Variants in MOCOS observed in about 807,000 individuals in gnomAD.
MOCOS encodes the protein human molybdenum cofactor sulfurase.
MOCOS carries 86 observed loss-of-function variants against 83.6 expected under a neutral mutation model. That is an observed-to-expected ratio of 1.03 (90% CI 0.86 to 1.23). The LOEUF is 1.23. Ranked by LOEUF, MOCOS falls within the 50% of genes most tolerant of loss-of-function variation. The pLI, the probability that MOCOS is intolerant of heterozygous loss-of-function variation, is 0.00. For missense variants in MOCOS, 1,120 were observed against 1,126.9 expected (o/e 0.99, Z 0.09); for synonymous variants, 445 against 434.7 (o/e 1.02, Z -0.29).
At chr18:36,235,651 A>G (rs2091555336) in intron 9 of MOCOS, among the ~76,000 whole-genome samples, 1 of 150,836 alleles carries the variant, frequency 6.6e-6, no homozygotes, top group Non-Finnish European at 1.5e-5. Flanking sequence ...ATACCCAGTA[A>G]TGGGATGGCT....
At chr18:36,266,710 C>G (rs746802072) in intron 13 of MOCOS, 39 bp from the exon 14 acceptor site, 1 of 1,573,476 alleles carries the variant, frequency 6.4e-7, no homozygotes. Context: ...GCTCTGGTCA[C>G]TTTTGTGGCA....
At chr18:36,237,229 T>C (rs1250905370) in intron 9 of MOCOS, among the ~76,000 whole-genome samples, 1 of 147,886 alleles carries the variant, frequency 6.8e-6, no homozygotes, top group African/African-American at 2.5e-5. Context: ...AAGGGAATGC[T>C]TCCAGTTTTT....
At chr18:36,243,351 CT>C (rs2091591168) in intron 9 of MOCOS, among the ~76,000 whole-genome samples, 1 of 152,104 alleles carries the variant, frequency 6.6e-6, no homozygotes, top group Admixed American at 6.6e-5. Context: ...AATGTTTTTT[CT>C]GCATCTATTG....
chr18:36,195,621 T>C (rs1052457067), intron 2 of MOCOS, among the ~76,000 whole-genome samples: 3 of 152,140 alleles, frequency 2.0e-5, no homozygotes, highest in Non-Finnish European at 4.4e-5. Flanking sequence ...GGTGCTGTAT[T>C]TGGTGGTGGT....
Position 36,266,634 on chromosome 18 carries a change from A to C in MOCOS, c.2410-115A>C, listed in dbSNP as rs2848586. On this transcript the variant is annotated intron_variant, in intron 13 of 14. Coordinates refer to ENST00000261326, the MANE Select transcript of MOCOS (RefSeq NM_017947.4). Reference sequence around the variant, plus strand: ...CCAGCAGAGACGGTGAACAGGTGCCACGTTCTGGCTCTCCATAGTTAGGGG... The same window carrying C: ...CCAGCAGAGACGGTGAACAGGTGCCCCGTTCTGGCTCTCCATAGTTAGGGG... 254,186 of 830,816 alleles carry C rather than the reference A, an allele frequency of 0.31. 40,295 individuals carry two copies. Among genetic ancestry groups the C allele is most frequent in the Non-Finnish European group, 0.32 (159,356 of 494,636 alleles). The allele number at this position is 830,816 out of a possible 1,614,324, so 51.5% of individuals were successfully genotyped here.
intron 8 of MOCOS, among the ~76,000 whole-genome samples, chr18:36,219,625 G>T (rs2091488376): frequency 6.6e-6 from 1 of 152,164 alleles, no homozygotes; most frequent in African/African-American, 2.4e-5. Context: ...GTTGCAATGG[G>T]CTGAGATTGC....
In MOCOS at chr18:36,213,590, C is replaced by T. The variant is rs771518037; in HGVS notation, c.1335+108C>T. 301 of 891,476 alleles carry T rather than the reference C, an allele frequency of 3.4e-4. 1 individual carries two copies. The highest frequency in any genetic ancestry group is 2.2e-3 in the Admixed American group (120 of 54,478). The allele number at this position is 891,476 out of a possible 1,614,324, so 55.2% of individuals were successfully genotyped here. On this transcript the variant is annotated intron_variant, in intron 7 of 14. Transcript: ENST00000261326. ...CTGCTGCTGCATACTCATTTCTCCA[C>T]GCCTACTCTGTGCATGTACAAAGGA...
chr18:36,223,982 C>T (rs952195817), intron 9 of MOCOS, among the ~76,000 whole-genome samples: 9 of 152,158 alleles, frequency 5.9e-5, no homozygotes, highest in African/African-American at 2.2e-4. Context: ...CAGGCATGTG[C>T]CACCATGCCT....
chr18:36,211,419 A>G (rs763226132), intron 6 of MOCOS, among the ~76,000 whole-genome samples: 2 of 152,148 alleles, frequency 1.3e-5, no homozygotes, highest in African/African-American at 2.4e-5. Flanking sequence ...GGGGATAAAA[A>G]TATACCCTGA....
intron 5 of MOCOS, 69 bp downstream of exon 5, chr18:36,203,258 G>A: frequency 1.4e-6 from 2 of 1,401,100 alleles, no homozygotes; most frequent in East Asian, 4.6e-5. Flanking sequence ...TGGCACAGGT[G>A]TGATTCAGGT....
At chr18:36,205,483 C>G (rs1317881582) in intron 6 of MOCOS, among the ~76,000 whole-genome samples, 1 of 152,230 alleles carries the variant, frequency 6.6e-6, no homozygotes, top group African/African-American at 2.4e-5. Context: ...GAGGCCAGTT[C>G]TTCTGATGGC....
At chr18:36,236,726 A>G (rs1223997454) in intron 9 of MOCOS, among the ~76,000 whole-genome samples, 3 of 141,440 alleles carry the variant, frequency 2.1e-5, no homozygotes, top group Non-Finnish European at 4.6e-5. Flanking sequence ...CTTGGGCAGT[A>G]TGGCCATTTT....
chr18:36,237,560 C>T (rs2091564121), intron 9 of MOCOS, among the ~76,000 whole-genome samples: 1 of 152,070 alleles, frequency 6.6e-6, no homozygotes, highest in Admixed American at 6.6e-5. Flanking sequence ...ATTTTTGCAT[C>T]AATGTTCATC....
At chr18:36,208,193 T>G (rs2091441512) in intron 6 of MOCOS, among the ~76,000 whole-genome samples, 1 of 152,378 alleles carries the variant, frequency 6.6e-6, no homozygotes, top group African/African-American at 2.4e-5. Context: ...TTTTGATTAC[T>G]GTAGCCTTGT....
In MOCOS at chr18:36,190,757, C is replaced by CA. The variant is rs879701776; in HGVS notation, c.142+3083dup. Among the ~76,000 whole-genome samples, 10 of 151,474 alleles carry CA rather than the reference C, an allele frequency of 6.6e-5. No individual in the cohort carries two copies. The East Asian group carries it at 7.8e-4, about 12-fold the overall frequency. ...GAGTGAGACCCTGTCTCAAAAAAAA[C>CA]AAAAAAACAAAACAAAACAAAAAAA... On this transcript the variant is annotated intron_variant, in intron 1 of 14. Transcript: ENST00000261326.
At chr18:36,252,114 C>T (rs1429310878) in intron 11 of MOCOS, among the ~76,000 whole-genome samples, 1 of 152,152 alleles carries the variant, frequency 6.6e-6, no homozygotes, top group East Asian at 1.9e-4. Context: ...AAAATAGCAC[C>T]TGGCACATAG....
intron 12 of MOCOS, 39 bp downstream of exon 12, chr18:36,257,112 C>T (rs1411515764): frequency 7.1e-6 from 11 of 1,554,370 alleles, no homozygotes; most frequent in Non-Finnish European, 8.9e-6. Context: ...ACAAGCATAA[C>T]CATTTGCCAC....
At chr18:36,219,940 C>A in intron 8 of MOCOS, 115 bp from the exon 9 acceptor site, 1 of 1,309,012 alleles carries the variant, frequency 7.6e-7, no homozygotes, top group Non-Finnish European at 1.1e-6. Flanking sequence ...TTTCTTCCTT[C>A]CAGTGTAGGT....
chr18:36,222,894 C>T (rs115906742), intron 9 of MOCOS, among the ~76,000 whole-genome samples: 409 of 152,294 alleles, frequency 2.7e-3, no homozygotes, highest in African/African-American at 9.4e-3. Context: ...GCCATCGCGC[C>T]CAGCCACTAA....
Sources: allele counts gnomAD v4.1 joint callset (sites outside exome capture counted in the v4.1 genomes callset), GRCh38; gene constraint gnomAD v4.1.1; transcripts MANE v1.5; gene names NCBI Gene and HGNC (gene_info 2026-07-23, HGNC 2026-07-21).